Variants in VTI1A observed in about 807,000 individuals in gnomAD.
VTI1A encodes the protein vesicle transport through interaction with t-SNAREs homolog 1A.
In VTI1A, 22 loss-of-function variants were observed where a neutral mutation model predicts 34.9. That is an observed-to-expected ratio of 0.63 (90% CI 0.45 to 0.90). VTI1A has a LOEUF of 0.90. VTI1A is among the 40% of genes least tolerant of loss of function. The pLI is 0.00. For synonymous variants in VTI1A, 87 were observed against 97.3 expected, an observed-to-expected ratio of 0.89 and a Z score of 0.62; for missense variants, 268 against 275.6, an observed-to-expected ratio of 0.97 and a Z score of 0.20.
chr10:112,806,750 A>T (rs1853096209), intron 7 of VTI1A, among the ~76,000 whole-genome samples: 1 of 149,982 alleles, frequency 6.7e-6, no homozygotes, highest in Non-Finnish European at 1.5e-5. Context: ...CACCTGCCTA[A>T]TTTTTTTTAA....
intron 5 of VTI1A, among the ~76,000 whole-genome samples, chr10:112,642,152 G>A (rs184942553): frequency 1.2e-4 from 19 of 152,206 alleles, no homozygotes; most frequent in Admixed American, 1.2e-3. Context: ...AATGTAGACC[G>A]CATCTGGTTC....
chr10:112,527,267 C>G, intron 4 of VTI1A, 103 bp downstream of exon 4: 1 of 910,610 alleles, frequency 1.1e-6, no homozygotes. Flanking sequence ...AGCAGCAACT[C>G]ATGTGGAAGC....
chr10:112,695,455 C>G (rs1590080083), intron 7 of VTI1A, among the ~76,000 whole-genome samples: 1 of 151,938 alleles, frequency 6.6e-6, no homozygotes. Flanking sequence ...CCCATAATTG[C>G]TGAGGTTATT....
chr10:112,687,607 G>A lies in VTI1A; in HGVS notation c.560+18609G>A, dbSNP rs555101377. 1.9e-3 allele frequency among the ~76,000 whole-genome samples: 294 copies of A among 152,080 alleles called. 3 individuals carry two copies. The highest frequency in any genetic ancestry group is 6.9e-3 in the African/African-American group (286 of 41,482). ...ACCCAGTTTTGCTTTAGGGAAAAAT[G>A]TATCAACAATATGTCTTGTCAAGAT... On this transcript the variant is annotated intron_variant, in intron 7 of 7. Coordinates refer to ENST00000393077, the MANE Select transcript of VTI1A (RefSeq NM_145206.4).
downstream of VTI1A, chr10:112,818,780 T>G (rs1238324123): frequency 1.1e-5 from 2 of 175,066 alleles, no homozygotes; most frequent in African/African-American, 5.0e-5. Context: ...TATTATTATT[T>G]AAACATTAGC....
intron 5 of VTI1A, among the ~76,000 whole-genome samples, chr10:112,549,829 C>A (rs1564822960): frequency 1.3e-5 from 2 of 152,112 alleles, no homozygotes; most frequent in Non-Finnish European, 2.9e-5. Context: ...CTTACAGTTA[C>A]AAGCCTATTA....
At chr10:112,479,482 C>T (rs1848393837) in intron 3 of VTI1A, among the ~76,000 whole-genome samples, 1 of 152,140 alleles carries the variant, frequency 6.6e-6, no homozygotes, top group South Asian at 2.1e-4. Flanking sequence ...CTTAAGATTC[C>T]CTTTCTCTCT....
chr10:112,490,880 A>C (rs1410100237), intron 3 of VTI1A, among the ~76,000 whole-genome samples: 1 of 152,164 alleles, frequency 6.6e-6, no homozygotes, highest in Non-Finnish European at 1.5e-5. Context: ...GCTGCTATGC[A>C]TATAGCATTG....
At chr10:112,795,108 G>A (rs764409883) in intron 7 of VTI1A, among the ~76,000 whole-genome samples, 28 of 152,308 alleles carry the variant, frequency 1.8e-4, no homozygotes, top group Non-Finnish European at 2.6e-4. Context: ...CATCATAGCC[G>A]TTTGGAACTA....
chr10:112,699,540 A>T (rs1848914876), intron 7 of VTI1A, among the ~76,000 whole-genome samples: 5 of 152,236 alleles, frequency 3.3e-5, no homozygotes, highest in Non-Finnish European at 7.3e-5. Context: ...CCTTGTCAGA[A>T]CACTGGGAGG....
chr10:112,638,519 G>C (rs772918483), intron 5 of VTI1A, among the ~76,000 whole-genome samples: 10 of 151,982 alleles, frequency 6.6e-5, no homozygotes, highest in Non-Finnish European at 1.5e-4. Context: ...CTAAGTATTT[G>C]GTGGCAAGAG....
intron 3 of VTI1A, among the ~76,000 whole-genome samples, chr10:112,524,938 G>C (rs1850167706): frequency 6.6e-6 from 1 of 152,190 alleles, no homozygotes; most frequent in Admixed American, 6.5e-5. Context: ...AACTCCAAAT[G>C]AGCAAAGGCA....
At chr10:112,647,348 C>G (rs539508119) in intron 5 of VTI1A, among the ~76,000 whole-genome samples, 1 of 152,300 alleles carries the variant, frequency 6.6e-6, no homozygotes, top group South Asian at 2.1e-4. Context: ...CAGGTGCAAT[C>G]TCTTCTGAAT....
At chr10:112,799,166 G>C (rs761337502) in intron 7 of VTI1A, among the ~76,000 whole-genome samples, 16 of 152,138 alleles carry the variant, frequency 1.1e-4, no homozygotes, top group Non-Finnish European at 2.1e-4. Context: ...GCTTCTGAGA[G>C]CCGCAGGGGT....
intron 7 of VTI1A, among the ~76,000 whole-genome samples, chr10:112,670,088 G>C (rs190810695): frequency 5.9e-5 from 9 of 151,968 alleles, no homozygotes; most frequent in Admixed American, 5.2e-4. Flanking sequence ...CTATGTAAAT[G>C]GCCTAAGAAA....
At chr10:112,733,162 T>C (rs12769033) in intron 7 of VTI1A, among the ~76,000 whole-genome samples, 24,751 of 152,294 alleles carry the variant, frequency 0.16, 2,374 homozygotes, top group Middle Eastern at 0.23. Flanking sequence ...TGGGCTGCCA[T>C]GGTGTTTTTG....
rs544976731 is a variant in VTI1A, at chr10:112,458,961, C to T, written c.95-1563C>T. ...GGTTACAGGCGTGAGCCACCGCGCC[C>T]GGCCAGTGAAATAATAATTTCTATT... On this transcript the variant is annotated intron_variant, in intron 1 of 7. Transcript: ENST00000393077. Among the ~76,000 whole-genome samples, 5 of 152,236 alleles carry T rather than the reference C, an allele frequency of 3.3e-5. No homozygotes were observed. In the East Asian group the frequency reaches 9.7e-4, roughly 29 times the overall value.
intron 7 of VTI1A, among the ~76,000 whole-genome samples, chr10:112,802,252 A>G (rs544331452): frequency 6.6e-6 from 1 of 152,320 alleles, no homozygotes; most frequent in Non-Finnish European, 1.5e-5. Flanking sequence ...AAATAAACAT[A>G]TAAATAAGTT....
At chr10:112,804,687 T>G (rs1301364651) in intron 7 of VTI1A, among the ~76,000 whole-genome samples, 1 of 152,002 alleles carries the variant, frequency 6.6e-6, no homozygotes, top group Non-Finnish European at 1.5e-5. Context: ...ATTCATTGAT[T>G]GCTCATTGTG....
Sources: gnomAD v4.1 joint callset for allele counts (sites outside exome capture counted in the v4.1 genomes callset) on GRCh38, gnomAD v4.1.1 for gene constraint, MANE v1.5 for transcripts, NCBI Gene and HGNC (gene_info 2026-07-23, HGNC 2026-07-21) for gene names.